Variants in PCBD2 observed in about 807,000 individuals in gnomAD.
PCBD2 encodes pterin-4 alpha-carbinolamine dehydratase 2.
Under a neutral mutation model 16.4 loss-of-function variants are expected in PCBD2, and 12 were observed. The observed-to-expected ratio is 0.73, with a 90% CI of 0.47 to 1.19. The LOEUF is 1.19. PCBD2 is among the 50% of genes most tolerant of loss of function. PCBD2 has a pLI of 0.00. For missense variants in PCBD2, 138 were observed against 156.8 expected (o/e 0.88, Z 0.64); for synonymous variants, 58 against 61.8 (o/e 0.94, Z 0.29).
intron 2 of PCBD2, among the ~76,000 whole-genome samples, chr5:134,951,844 G>A (rs1398838071): frequency 1.3e-5 from 2 of 151,952 alleles, no homozygotes; most frequent in Admixed American, 6.6e-5. Context: ...ATATGTAGGA[G>A]CTTTTTATAT....
At chr5:134,958,151 A>G (rs1751435376) in intron 2 of PCBD2, among the ~76,000 whole-genome samples, 1 of 152,222 alleles carries the variant, frequency 6.6e-6, no homozygotes, top group African/African-American at 2.4e-5. Flanking sequence ...CCATTACCCT[A>G]AGAGTCTTAC....
At chr5:134,953,942 C>T (rs148611633) in intron 2 of PCBD2, among the ~76,000 whole-genome samples, 1 of 151,830 alleles carries the variant, frequency 6.6e-6, no homozygotes, top group East Asian at 1.9e-4. Flanking sequence ...TTTTTCAGTC[C>T]TAGTGCTTAT....
intron 2 of PCBD2, among the ~76,000 whole-genome samples, chr5:134,948,463 C>T (rs1751323987): frequency 6.6e-6 from 1 of 151,824 alleles, no homozygotes; most frequent in Admixed American, 6.6e-5. Flanking sequence ...TGGATGTAAA[C>T]CCTGCCACCT....
intron 2 of PCBD2, among the ~76,000 whole-genome samples, chr5:134,953,974 G>A (rs981924243): frequency 3.3e-5 from 5 of 151,856 alleles, no homozygotes; most frequent in African/African-American, 1.2e-4. Flanking sequence ...TAATTAATCA[G>A]ATACAGAGTC....
At chr5:134,905,475 CG>C in intron 1 of PCBD2, 1 of 355,404 alleles carries the variant, frequency 2.8e-6, no homozygotes, top group Non-Finnish European at 5.0e-6. Context: ...ACTTGCCAAC[CG>C]GAAACAAATG....
rs114461662 is a variant in PCBD2, at chr5:134,925,080, T to A, written c.216+14614T>A. 2,452 of 396,424 alleles carry A rather than the reference T, an allele frequency of 6.2e-3. 46 individuals carry two copies. Among genetic ancestry groups the A allele is most frequent in the African/African-American group, 0.044 (2,142 of 48,612 alleles). The allele number at this position is 396,424 out of a possible 1,614,324, so 24.6% of individuals were successfully genotyped here. Reference sequence around the variant, plus strand: ...TGATGAGAAACCCTGCAAATAGGCTTCCGATTGTTAGGCGTTTAATGGGGT... The same window carrying A: ...TGATGAGAAACCCTGCAAATAGGCTACCGATTGTTAGGCGTTTAATGGGGT... On this transcript the variant is annotated intron_variant, in intron 2 of 3. Transcript: ENST00000254908.
At chr5:134,951,506 C>G (rs1029493262) in intron 2 of PCBD2, among the ~76,000 whole-genome samples, 5 of 152,102 alleles carry the variant, frequency 3.3e-5, no homozygotes, top group African/African-American at 4.8e-5. Context: ...ATGAGTATGT[C>G]TGCAGCACAA....
chr5:134,927,103 C>T lies in PCBD2; in HGVS notation c.216+16637C>T, dbSNP rs1419146706. 3.0e-5 allele frequency: 12 copies of T among 398,340 alleles called. 1 individual carries two copies. The Admixed American group carries it at 3.5e-4, about 12-fold the overall frequency. 24.7% of individuals were successfully genotyped at this position (398,340 alleles called of 1,614,324 possible). ...CCGTGGGCGACTATGAGAATGACTG[C>T]GCCGGTGAAGCTTCAGGGGGTTTGG... is the stretch of plus-strand genomic sequence containing the variant. On this transcript the variant is annotated intron_variant, in intron 2 of 3. Transcript: ENST00000254908.
intron 2 of PCBD2, chr5:134,927,414 G>A (rs560362323): frequency 3.5e-5 from 14 of 398,318 alleles, no homozygotes; most frequent in East Asian, 1.4e-4. Context: ...ACCGTAAAGA[G>A]GTATTTTTAC....
intron 2 of PCBD2, chr5:134,926,351 T>C (rs1750996208): frequency 2.7e-6 from 1 of 375,590 alleles, no homozygotes; most frequent in East Asian, 3.8e-5. Flanking sequence ...ATAATGGATT[T>C]TACTTAATGG....
intron 2 of PCBD2, among the ~76,000 whole-genome samples, chr5:134,934,404 T>C (rs1751134704): frequency 6.6e-6 from 1 of 152,218 alleles, no homozygotes; most frequent in Non-Finnish European, 1.5e-5. Flanking sequence ...TCAGTAATTG[T>C]TACATCATGG....
At chr5:134,944,434 C>T (rs984808538) in intron 2 of PCBD2, among the ~76,000 whole-genome samples, 3 of 151,894 alleles carry the variant, frequency 2.0e-5, no homozygotes, top group African/African-American at 7.3e-5. Context: ...CATGAGTGCC[C>T]GTGAGCATGG....
intron 2 of PCBD2, among the ~76,000 whole-genome samples, chr5:134,951,242 A>G (rs1751355809): frequency 6.6e-6 from 1 of 152,216 alleles, no homozygotes; most frequent in African/African-American, 2.4e-5. Flanking sequence ...ACAAGCATAT[A>G]ATTTCTTTTC....
intron 2 of PCBD2, among the ~76,000 whole-genome samples, chr5:134,945,073 A>G (rs1347936967): frequency 6.6e-6 from 1 of 152,240 alleles, no homozygotes; most frequent in Non-Finnish European, 1.5e-5. Flanking sequence ...TATGTCTCAA[A>G]TATTATTGCT....
At chr5:134,959,215 C>A in intron 3 of PCBD2, 95 bp downstream of exon 3, 1 of 899,344 alleles carries the variant, frequency 1.1e-6, no homozygotes, top group South Asian at 1.7e-5. Context: ...TGTCATTGTA[C>A]TTAAGAAAGT....
chr5:134,946,710 C>G (rs1751299382), intron 2 of PCBD2, among the ~76,000 whole-genome samples: 1 of 152,206 alleles, frequency 6.6e-6, no homozygotes, highest in Admixed American at 6.5e-5. Context: ...TACTGTACCA[C>G]TAAGCCAAAC....
chr5:134,908,191 G>C (rs1327764898), intron 1 of PCBD2, among the ~76,000 whole-genome samples: 1 of 149,928 alleles, frequency 6.7e-6, no homozygotes, highest in African/African-American at 2.5e-5. Flanking sequence ...CAAAGTGCCA[G>C]GATTACAGAT....
chr5:134,908,110 C>T (rs377087371), intron 1 of PCBD2, among the ~76,000 whole-genome samples: 6 of 151,300 alleles, frequency 4.0e-5, no homozygotes, highest in African/African-American at 1.5e-4. Context: ...TTTGTAGAGA[C>T]GAGGTCTCAT....
chr5:134,924,394 G>A, intron 2 of PCBD2: 1 of 396,962 alleles, frequency 2.5e-6, no homozygotes, highest in Non-Finnish European at 4.4e-6. Context: ...GTCTTGGTAA[G>A]TGTTTTAGTG....
Sources: allele counts gnomAD v4.1 joint callset (sites outside exome capture counted in the v4.1 genomes callset), GRCh38; gene constraint gnomAD v4.1.1; transcripts MANE v1.5; gene names NCBI Gene and HGNC (gene_info 2026-07-23, HGNC 2026-07-21).